Variants in NFS1 observed in about 807,000 individuals in gnomAD.
The protein encoded by NFS1 is cysteine desulfurase.
Under a neutral mutation model 57.3 loss-of-function variants are expected in NFS1, and 26 were observed. The ratio of observed to expected loss-of-function variants is 0.45; its 90% CI spans 0.33 to 0.63. The LOEUF is 0.63. Among genes scored for constraint, NFS1 ranks in the 20% least tolerant of loss-of-function variants. The probability of loss-of-function intolerance (pLI) is 0.02; values close to 1 mark genes in which losing one functional copy is unlikely to be tolerated. For synonymous variants in NFS1, 209 were observed against 216.3 expected (o/e 0.97, Z 0.30); for missense variants, 505 against 605.8 (o/e 0.83, Z 1.75).
At chr20:35,698,914 T>C in intron 1 of NFS1, 2 of 1,312,092 alleles carry the variant, frequency 1.5e-6, no homozygotes, top group Non-Finnish European at 1.9e-6. Context: ...GGTAACGGTC[T>C]GCACGGGAGC....
At chr20:35,695,645 C>T (rs1219975644) in intron 4 of NFS1, among the ~76,000 whole-genome samples, 1 of 152,046 alleles carries the variant, frequency 6.6e-6, no homozygotes, top group Non-Finnish European at 1.5e-5. Context: ...TCTAAAGAAA[C>T]AGGAGGAACT....
At chr20:35,683,806 A>G (rs998718079) in intron 5 of NFS1, among the ~76,000 whole-genome samples, 5 of 149,502 alleles carry the variant, frequency 3.3e-5, no homozygotes, top group African/African-American at 5.1e-5. Context: ...AAAAAAAAAA[A>G]AAAAAAGAAA....
intron 5 of NFS1, among the ~76,000 whole-genome samples, chr20:35,689,764 G>GT (rs1051121756): frequency 2.4e-5 from 3 of 126,802 alleles, no homozygotes; most frequent in African/African-American, 8.9e-5. Context: ...GCGAGACTCT[G>GT]TTTTAAAAAA....
rs938659019 is a variant in NFS1, at chr20:35,690,302, C to T, written c.561+111G>A. On this transcript the variant is annotated intron_variant, in intron 5 of 12. Transcript: ENST00000374092. ...CCAGGCTTATTTCTCTAAACTTCAT[C>T]CTAACTGTTAGATCTATTCCTTCAA... 7.7e-6 allele frequency: 8 copies of T among 1,037,698 alleles called. No homozygotes were observed. In the African/African-American group the frequency reaches 1.1e-4, roughly 15 times the overall value. 64.3% of individuals were successfully genotyped at this position (1,037,698 alleles called of 1,614,324 possible). A position where few individuals can be genotyped will look rare whatever the true frequency, so the allele number is the denominator to read the frequency against.
chr20:35,686,622 T>G (rs532275102), intron 5 of NFS1, among the ~76,000 whole-genome samples: 1 of 152,022 alleles, frequency 6.6e-6, no homozygotes, highest in East Asian at 1.9e-4. Context: ...ATGGGAAATC[T>G]CTCAAGATTT....
At chr20:35,687,502 C>A (rs1415308806) in intron 5 of NFS1, among the ~76,000 whole-genome samples, 1 of 152,110 alleles carries the variant, frequency 6.6e-6, no homozygotes, top group African/African-American at 2.4e-5. Context: ...CGTGACCTTA[C>A]CTATCATTAG....
chr20:35,672,040 G>A (rs2034664240), intron 12 of NFS1, among the ~76,000 whole-genome samples: 1 of 151,410 alleles, frequency 6.6e-6, no homozygotes, highest in African/African-American at 2.4e-5. Context: ...CTCACTGCAA[G>A]CTCCACCTCC....
chr20:35,681,797 C>G, intron 6 of NFS1, 91 bp downstream of exon 6: 2 of 609,504 alleles, frequency 3.3e-6, no homozygotes, highest in South Asian at 2.5e-5. Flanking sequence ...GATTTCCTAA[C>G]TACACTCCAT....
In NFS1 at chr20:35,669,120, A is replaced by G. The variant is rs1339387186; in HGVS notation, c.*502T>C. On this transcript the variant is annotated 3_prime_UTR_variant, in exon 13 of 13. Coordinates refer to ENST00000374092, the MANE Select transcript of NFS1 (RefSeq NM_021100.5). ...AGGGTAGAAAGGAGACAAGCCCTCT[A>G]AGAAACTGTCCATTCAGTCTGTCTG... 6.6e-6 allele frequency: 1 copy of G among 152,438 alleles called. No homozygotes were observed. Among genetic ancestry groups the G allele is most frequent in the Non-Finnish European group, 1.5e-5 (1 of 68,186 alleles). 9.4% of individuals were successfully genotyped at this position (152,438 alleles called of 1,614,324 possible).
At chr20:35,681,848 C>T in intron 6 of NFS1, 40 bp downstream of exon 6, 1 of 1,163,012 alleles carries the variant, frequency 8.6e-7, no homozygotes, top group Non-Finnish European at 1.3e-6. Context: ...ATACAGAGCC[C>T]CATGGTGGGC....
At position 35,675,035 on chromosome 20, in the gene NFS1, C is replaced by T. The variant is rs748925473; in HGVS notation, c.948+10G>A. On this transcript the variant is annotated intron_variant, in intron 8 of 12. Transcript: ENST00000374092. ...GAAGAAGTTGTGGGAGGGAACTGCT[C>T]TCCCCATACCTCCATCTCTTGCTGT... is the stretch of plus-strand genomic sequence containing the variant. The T allele has an allele frequency of 6.2e-7, 1 of 1,613,920 alleles. No individual in the cohort carries two copies. Among genetic ancestry groups the T allele is most frequent in the South Asian group, 1.1e-5 (1 of 91,068 alleles).
At chr20:35,673,705 C>T (rs753601195) in intron 10 of NFS1, 21 bp from the exon 11 acceptor site, 2 of 1,596,414 alleles carry the variant, frequency 1.3e-6, no homozygotes, top group South Asian at 1.1e-5. Flanking sequence ...AGACACGAAC[C>T]TTGTTCAGTT....
intron 5 of NFS1, among the ~76,000 whole-genome samples, chr20:35,688,741 G>A (rs1029092664): frequency 2.0e-5 from 3 of 150,134 alleles, no homozygotes; most frequent in Non-Finnish European, 4.4e-5. Context: ...GAGAGAGAGA[G>A]AGGGAGGGAG....
chr20:35,675,357 A>G (rs2034723513), intron 7 of NFS1, 155 bp from the exon 8 acceptor site: 1 of 737,074 alleles, frequency 1.4e-6, no homozygotes, highest in South Asian at 2.0e-5. Context: ...AAACAGCAGT[A>G]AAAGCATAGT....
At position 35,699,009 on chromosome 20, in the gene NFS1, G is replaced by C. The variant is rs1182571724; in HGVS notation, c.97+183C>G. ...GGGGGCCTGTCGCGCAGGGTGCGAG[G>C]GGTGGTGCGCCGGGGTCAACCGTTC... is the stretch of plus-strand genomic sequence containing the variant. On this transcript the variant is annotated intron_variant, in intron 1 of 12. Transcript: ENST00000374092. This position sits in a 1 kb window ranked among gnomAD's most constrained non-coding sequence, Gnocchi z 4.4. 7.5e-7 allele frequency: 1 copy of C among 1,329,834 alleles called. No homozygotes were observed. The highest frequency in any genetic ancestry group is 9.6e-7 in the Non-Finnish European group (1 of 1,044,190). The allele number at this position is 1,329,834 out of a possible 1,614,324, so 82.4% of individuals were successfully genotyped here. A position where few individuals can be genotyped will look rare whatever the true frequency, so the allele number is the denominator to read the frequency against.
intron 3 of NFS1, 49 bp downstream of exon 3, chr20:35,697,635 C>T (rs1267950716): frequency 8.0e-7 from 1 of 1,256,506 alleles, no homozygotes; most frequent in East Asian, 2.4e-5. Context: ...CTCCCACAGG[C>T]CACTGCCCCT....
At chr20:35,693,918 C>T (rs1158870000) in intron 4 of NFS1, among the ~76,000 whole-genome samples, 2 of 151,422 alleles carry the variant, frequency 1.3e-5, no homozygotes, top group African/African-American at 2.4e-5. Flanking sequence ...GCTGAGATCA[C>T]GCCACTGCAC....
At chr20:35,678,522 T>A (rs2146418069) in intron 7 of NFS1, among the ~76,000 whole-genome samples, 1 of 143,284 alleles carries the variant, frequency 7.0e-6, no homozygotes, top group South Asian at 2.3e-4. Flanking sequence ...GAGCGAGACT[T>A]TGTCTCAAAA....
At chr20:35,693,429 T>A (rs1300162453) in intron 4 of NFS1, among the ~76,000 whole-genome samples, 1 of 152,070 alleles carries the variant, frequency 6.6e-6, no homozygotes, top group Non-Finnish European at 1.5e-5. Context: ...CCATTGGTTT[T>A]AAAAAAACAC....
Sources: gnomAD v4.1 joint callset for allele counts (sites outside exome capture counted in the v4.1 genomes callset) on GRCh38, gnomAD v4.1.1 for gene constraint, Gnocchi (gnomAD v3.1) non-coding constraint, MANE v1.5 for transcripts, NCBI Gene and HGNC (gene_info 2026-07-23, HGNC 2026-07-21) for gene names.